The following NOMO2 variants were observed in gnomAD, a reference collection of about 807,000 sequenced individuals.
The protein encoded by NOMO2 is BOS complex subunit NOMO2.
NOMO2 carries 14 observed loss-of-function variants against 67.1 expected under a neutral mutation model. The ratio of observed to expected loss-of-function variants is 0.21; its 90% CI spans 0.14 to 0.33. The LOEUF (loss-of-function observed/expected upper bound fraction) is 0.33. Ranked by LOEUF, NOMO2 falls within the 10% of genes least tolerant of loss-of-function variation. The pLI, the probability that NOMO2 is intolerant of heterozygous loss-of-function variation, is 1.00. For missense variants in NOMO2, 178 were observed against 761.0 expected (o/e 0.23, Z 9.01); for synonymous variants, 80 against 305.9 (o/e 0.26, Z 7.71).
chr16:18,533,083 G>C lies in NOMO2; in HGVS notation c.1317C>G (p.Asp439Glu). 1 of 1,610,522 alleles carries C rather than the reference G, an allele frequency of 6.2e-7. No individual in the cohort carries two copies. The highest frequency in any genetic ancestry group is 1.1e-5 in the South Asian group (1 of 90,776). Residue 439 changes from aspartate to glutamate, a missense_variant, in exon 12 of 31, where the codon GAC becomes GAG. By Grantham distance (45) the Asp-to-Glu change is conservative. Coordinates refer to ENST00000622306, the MANE Select transcript of NOMO2 (RefSeq NM_173614.4). ...CTGTCTCCACGGTGACCAAAGACTTGTCCTTGTCTTGAGATGACAGGACAA... is the reference window on the plus strand; with the variant it reads ...CTGTCTCCACGGTGACCAAAGACTTCTCCTTGTCTTGAGATGACAGGACAA... ...YKVVLSSQDK[D>E]KSLVTVETDA...
chr16:18,551,225 G>C (rs918374997), intron 4 of NOMO2, among the ~76,000 whole-genome samples: 1 of 152,006 alleles, frequency 6.6e-6, no homozygotes, highest in African/African-American at 2.4e-5. Flanking sequence ...TCTGGGAGCA[G>C]AGGGGATGAC....
At chr16:18,533,556 G>T (rs890263393) in intron 11 of NOMO2, 45 of 184,646 alleles carry the variant, frequency 2.4e-4, no homozygotes, top group Non-Finnish European at 3.8e-4. Flanking sequence ...TGAGAATGTG[G>T]GCTAGCCCTT....
At chr16:18,561,195 A>AAAAAAAAAAAAAAAAC (rs1902040200) in intron 1 of NOMO2, among the ~76,000 whole-genome samples, 2 of 100,408 alleles carry the variant, frequency 2.0e-5, no homozygotes, top group Non-Finnish European at 3.9e-5. Flanking sequence ...AAAAAAAAAA[A>AAAAAAAAAAAAAAAAC]AAAAAAAAAA....
chr16:18,534,862 G>A (rs1187022188), intron 11 of NOMO2, among the ~76,000 whole-genome samples: 130 of 8,676 alleles, frequency 0.015, no homozygotes, highest in African/African-American at 0.04. Context: ...AAAAGGTTCC[G>A]TTATACTGAA....
chr16:18,562,070 C>T lies in NOMO2; in HGVS notation c.-30G>A, dbSNP rs1318227154. The stretch of plus-strand genomic sequence containing the variant: ...CGACCTCCCCCAGCTAGACCCACCG[C>T]CGGCAGCCGGGTCCCGCCCCTCACA... On this transcript the variant is annotated 5_prime_UTR_variant, in exon 1 of 31. Coordinates refer to ENST00000622306, the MANE Select transcript of NOMO2 (RefSeq NM_173614.4). 3 of 1,414,052 alleles carry T rather than the reference C, an allele frequency of 2.1e-6. No homozygotes were observed. The highest frequency in any genetic ancestry group is 2.8e-6 in the Non-Finnish European group (3 of 1,089,562). The allele number at this position is 1,414,052 out of a possible 1,614,324, so 87.6% of individuals were successfully genotyped here. A position where few individuals can be genotyped will look rare whatever the true frequency, so the allele number is the denominator to read the frequency against.
intron 3 of NOMO2, among the ~76,000 whole-genome samples, chr16:18,553,204 C>A (rs1238065398): frequency 1.5e-4 from 23 of 150,722 alleles, no homozygotes; most frequent in Non-Finnish European, 1.8e-4. Context: ...GAACCCGGGC[C>A]GAAGTTGCAG....
chr16:18,520,211 A>G (rs2255299), intron 20 of NOMO2, among the ~76,000 whole-genome samples: 2,841 of 47,922 alleles, frequency 0.059, 4 homozygotes, highest in East Asian at 0.23. Flanking sequence ...ATGCTCTGCC[A>G]AACAACAGAA....
At position 18,560,900 on chromosome 16, in the gene NOMO2, C is replaced by G. The variant is rs970083048; in HGVS notation, c.165+976G>C. ...TTCAGACGATCTTTGGGGTCTTATTCCCCAATCCCTCTCTTTGGCATTTCC... is the reference window on the plus strand; with the variant it reads ...TTCAGACGATCTTTGGGGTCTTATTGCCCAATCCCTCTCTTTGGCATTTCC... On this transcript the variant is annotated intron_variant, in intron 1 of 30. Transcript: ENST00000622306. Among the ~76,000 whole-genome samples, 104 of 151,088 alleles carry G rather than the reference C, an allele frequency of 6.9e-4. 1 individual carries two copies. Among genetic ancestry groups the G allele is most frequent in the Non-Finnish European group, 1.2e-3 (83 of 67,840 alleles).
Position 18,560,852 on chromosome 16 carries a change from C to T in NOMO2, c.165+1024G>A, listed in dbSNP as rs546707216. On this transcript the variant is annotated intron_variant, in intron 1 of 30. Transcript: ENST00000622306. ...ACAGAGCTTCACCCTTCACTGCCAG[C>T]CCTGGAACAGCTCAAAGGTGCTTTC... Among the ~76,000 whole-genome samples, 16 of 151,494 alleles carry T rather than the reference C, an allele frequency of 1.1e-4. No homozygotes were observed. The South Asian group carries it at 2.9e-3, about 28-fold the overall frequency.
At chr16:18,525,237 A>T (rs949865705) in intron 16 of NOMO2, among the ~76,000 whole-genome samples, 15 of 151,280 alleles carry the variant, frequency 9.9e-5, no homozygotes, top group Non-Finnish European at 2.1e-4. Flanking sequence ...AAAAAAAAAA[A>T]TCAGGTTTCT....
At chr16:18,536,731 T>C (rs1266782207) in intron 11 of NOMO2, among the ~76,000 whole-genome samples, 1 of 152,218 alleles carries the variant, frequency 6.6e-6, no homozygotes, top group Non-Finnish European at 1.5e-5. Flanking sequence ...TGATTAATTA[T>C]TAGGTACGAA....
intron 9 of NOMO2, among the ~76,000 whole-genome samples, chr16:18,539,574 T>C (rs1596852582): frequency 1.3e-5 from 2 of 151,974 alleles, no homozygotes; most frequent in East Asian, 3.9e-4. Context: ...CTGACCAACA[T>C]GGTGAAGCCC....
chr16:18,536,776 A>G (rs1208484112), intron 11 of NOMO2, among the ~76,000 whole-genome samples: 1 of 152,208 alleles, frequency 6.6e-6, no homozygotes, highest in Non-Finnish European at 1.5e-5. Context: ...GTAATTGCAC[A>G]AAGTGTTTAT....
At chr16:18,537,355 C>T (rs1901448434) in intron 11 of NOMO2, among the ~76,000 whole-genome samples, 2 of 149,440 alleles carry the variant, frequency 1.3e-5, no homozygotes, top group South Asian at 4.2e-4. Context: ...CTCCTGTGCC[C>T]AAGTCCTGTC....
In NOMO2 at chr16:18,561,194, A is replaced by AAC. The variant is rs1555467956; in HGVS notation, c.165+681_165+682insGT. Among the ~76,000 whole-genome samples, 372 of 137,152 alleles carry AAC rather than the reference A, an allele frequency of 2.7e-3. 5 individuals carry two copies. The highest frequency in any genetic ancestry group is 4.1e-3 in the Middle Eastern group (1 of 246). The allele number at this position is 137,152 out of a possible 152,430, so 90.0% of individuals were successfully genotyped here. A position where few individuals can be genotyped will look rare whatever the true frequency, so the allele number is the denominator to read the frequency against. On this transcript the variant is annotated intron_variant, in intron 1 of 30. Transcript: ENST00000622306. ...TAATTAAAAAAAAAAAAAAAAAAAA[A>AAC]AAAAAAAAAAAAACCTTTACAAATC... is the stretch of plus-strand genomic sequence containing the variant.
chr16:18,560,673 G>C (rs1902017876), intron 1 of NOMO2, among the ~76,000 whole-genome samples: 1 of 151,776 alleles, frequency 6.6e-6, no homozygotes, highest in Admixed American at 6.6e-5. Context: ...GCTTGTTAAA[G>C]AAATGTATCT....
chr16:18,560,439 A>G (rs1000469591), intron 1 of NOMO2, among the ~76,000 whole-genome samples: 11 of 151,576 alleles, frequency 7.3e-5, no homozygotes, highest in African/African-American at 2.7e-4. Flanking sequence ...GGCCTCTTGC[A>G]TTTCAGCTTC....
At chr16:18,559,787 G>T (rs897833525) in intron 1 of NOMO2, among the ~76,000 whole-genome samples, 1 of 151,990 alleles carries the variant, frequency 6.6e-6, no homozygotes, top group Admixed American at 6.6e-5. Flanking sequence ...CCTAAAGATC[G>T]GCTGGTTTTC....
intron 1 of NOMO2, among the ~76,000 whole-genome samples, chr16:18,560,918 G>C (rs1342360788): frequency 6.6e-6 from 1 of 150,496 alleles, no homozygotes; most frequent in Non-Finnish European, 1.5e-5. Flanking sequence ...CCTCTCTTTG[G>C]CATTTCCCAG....
Sources: gnomAD v4.1 joint callset for allele counts (sites outside exome capture counted in the v4.1 genomes callset) on GRCh38, gnomAD v4.1.1 for gene constraint, MANE v1.5 for transcripts, NCBI Gene and HGNC (gene_info 2026-07-23, HGNC 2026-07-21) for gene names.